The following ANKS1B variants were observed in gnomAD, a reference collection of about 807,000 sequenced individuals.
ANKS1B encodes ankyrin repeat and sterile alpha motif domain-containing protein 1B.
ANKS1B carries 36 observed loss-of-function variants against 148.3 expected under a neutral mutation model. That is an observed-to-expected ratio of 0.24 (90% confidence interval 0.19 to 0.32). The LOEUF (loss-of-function observed/expected upper bound fraction) is 0.32, where lower values mean the gene tolerates loss of function less well. Ranked by LOEUF, ANKS1B falls within the 10% of genes least tolerant of loss-of-function variation. The pLI is 1.00. For synonymous variants in ANKS1B, 542 were observed against 560.8 expected (o/e 0.97, Z 0.47); for missense variants, 1,157 against 1,542.6 (o/e 0.75, Z 4.19).
At chr12:99,765,934 T>C (rs58089117) in intron 8 of ANKS1B, among the ~76,000 whole-genome samples, 1,879 of 152,206 alleles carry the variant, frequency 0.012, 48 homozygotes, top group African/African-American at 0.043. Context: ...TGCTAGTAAA[T>C]TGCAGAACAG....
At chr12:99,569,670 G>A (rs1215097510) in intron 9 of ANKS1B, among the ~76,000 whole-genome samples, 1 of 152,084 alleles carries the variant, frequency 6.6e-6, no homozygotes, top group East Asian at 1.9e-4. Flanking sequence ...GCCCCTACAG[G>A]GATCGCCTTA....
rs2095752046 is a variant in ANKS1B, at chr12:99,984,463, G to A, written c.-226C>T. The A allele has an allele frequency of 4.7e-6, 2 of 429,962 alleles. No homozygotes were observed. The highest frequency in any genetic ancestry group is 3.6e-5 in the Admixed American group (1 of 27,480). 26.6% of individuals were successfully genotyped at this position (429,962 alleles called of 1,614,324 possible). A position where few individuals can be genotyped will look rare whatever the true frequency, so the allele number is the denominator to read the frequency against. On this transcript the variant is annotated 5_prime_UTR_variant, in exon 1 of 27. Transcript: ENST00000683438. ...CAGACCATGTCTTGAAAGAGGGGCT[G>A]GCCGAGCTGGGAGCCGCGACGCGCC...
At chr12:99,270,736 T>C (rs971002833) in intron 12 of ANKS1B, among the ~76,000 whole-genome samples, 2 of 152,234 alleles carry the variant, frequency 1.3e-5, no homozygotes, top group Non-Finnish European at 2.9e-5. Context: ...TCTAATGATG[T>C]CACTCCATTA....
chr12:99,323,713 T>C (rs2085760431), intron 12 of ANKS1B, among the ~76,000 whole-genome samples: 1 of 152,194 alleles, frequency 6.6e-6, no homozygotes, highest in Non-Finnish European at 1.5e-5. Flanking sequence ...ATGTATAGCA[T>C]GAGTAAGATG....
At chr12:99,570,362 G>A (rs1475976836) in intron 9 of ANKS1B, among the ~76,000 whole-genome samples, 2 of 151,960 alleles carry the variant, frequency 1.3e-5, no homozygotes, top group East Asian at 3.9e-4. Context: ...AATGAAGGCG[G>A]ATAGGCCGGG....
intron 9 of ANKS1B, among the ~76,000 whole-genome samples, chr12:99,615,878 C>A (rs1451949664): frequency 6.6e-6 from 1 of 152,028 alleles, no homozygotes; most frequent in East Asian, 1.9e-4. Context: ...TGACATGATT[C>A]TATATTTAGA....
intron 14 of ANKS1B, among the ~76,000 whole-genome samples, chr12:99,204,430 T>C (rs1327915850): frequency 2.6e-5 from 4 of 152,198 alleles, no homozygotes; most frequent in Non-Finnish European, 5.9e-5. Flanking sequence ...CATAAATTAA[T>C]GGGTCTTGGA....
In ANKS1B at chr12:99,327,400, TATTA is replaced by T. The variant is rs1230534040; in HGVS notation, c.1756+72227_1756+72230del. ...TATATAATTATATATTATAATTACATATTATATATAATTATATATTATATTGTCT... is the reference window on the plus strand; with the variant it reads ...TATATAATTATATATTATAATTACATTATATAATTATATATTATATTGTCT... On this transcript the variant is annotated intron_variant, in intron 12 of 26. Coordinates refer to ENST00000683438, the MANE Select transcript of ANKS1B (RefSeq NM_001352186.2). Among the ~76,000 whole-genome samples the T allele has an allele frequency of 5.7e-5, 7 of 123,306 alleles. No individual in the cohort carries two copies. In the East Asian group the frequency reaches 1.8e-3, roughly 33 times the overall value. 80.9% of individuals were successfully genotyped at this position (123,306 alleles called of 152,430 possible). A position where few individuals can be genotyped will look rare whatever the true frequency, so the allele number is the denominator to read the frequency against.
At chr12:99,312,214 C>G (rs949701594) in intron 12 of ANKS1B, among the ~76,000 whole-genome samples, 22 of 152,124 alleles carry the variant, frequency 1.4e-4, no homozygotes, top group Admixed American at 3.9e-4. Flanking sequence ...AACCAGGAGT[C>G]TTGATTTTAA....
chr12:99,275,798 G>A (rs1422742344), intron 12 of ANKS1B, among the ~76,000 whole-genome samples: 2 of 152,130 alleles, frequency 1.3e-5, no homozygotes, highest in African/African-American at 4.8e-5. Context: ...TTATCATTTT[G>A]TAAGGAAAAT....
At chr12:99,079,148 A>G (rs959014543) in intron 16 of ANKS1B, among the ~76,000 whole-genome samples, 6 of 152,212 alleles carry the variant, frequency 3.9e-5, no homozygotes, top group African/African-American at 1.4e-4. Context: ...AGCTGTCTGA[A>G]AGATCCAGAG....
intron 8 of ANKS1B, among the ~76,000 whole-genome samples, chr12:99,699,737 G>C (rs191130473): frequency 6.6e-6 from 1 of 152,256 alleles, no homozygotes; most frequent in East Asian, 1.9e-4. Flanking sequence ...CTAAAATGTA[G>C]AAGAGTAAAA....
At chr12:98,934,015 A>G (rs574710402) in intron 17 of ANKS1B, among the ~76,000 whole-genome samples, 1 of 152,132 alleles carries the variant, frequency 6.6e-6, no homozygotes, top group African/African-American at 2.4e-5. Flanking sequence ...ATTTTGATGT[A>G]GTCCTACTTA....
At chr12:99,153,926 T>C (rs1262158103) in intron 15 of ANKS1B, among the ~76,000 whole-genome samples, 1 of 152,082 alleles carries the variant, frequency 6.6e-6, no homozygotes, top group Non-Finnish European at 1.5e-5. Flanking sequence ...AATATAAGAA[T>C]CAAGAATTAG....
chr12:98,908,237 A>G (rs1315830628), intron 17 of ANKS1B, among the ~76,000 whole-genome samples: 3 of 152,180 alleles, frequency 2.0e-5, no homozygotes, highest in African/African-American at 7.2e-5. Context: ...TTCATTTTAT[A>G]CCAGGCCTTG....
intron 8 of ANKS1B, among the ~76,000 whole-genome samples, chr12:99,734,731 C>T (rs1028249104): frequency 6.6e-6 from 1 of 152,160 alleles, no homozygotes; most frequent in East Asian, 1.9e-4. Flanking sequence ...ACTTTTTCAC[C>T]TCCAAGTCAC....
At chr12:99,785,107 T>C (rs1439064821) in intron 4 of ANKS1B, among the ~76,000 whole-genome samples, 2 of 151,748 alleles carry the variant, frequency 1.3e-5, no homozygotes, top group African/African-American at 2.4e-5. Flanking sequence ...AATTTGTGAG[T>C]AGTGCAGGAT....
chr12:99,225,869 C>T (rs2085855076), intron 14 of ANKS1B, among the ~76,000 whole-genome samples: 4 of 152,212 alleles, frequency 2.6e-5, no homozygotes, highest in South Asian at 4.1e-4. Context: ...GGGACTTCAC[C>T]TTGTGATCAT....
At chr12:99,234,107 G>A (rs2087388439) in intron 14 of ANKS1B, among the ~76,000 whole-genome samples, 3 of 152,060 alleles carry the variant, frequency 2.0e-5, no homozygotes, top group Admixed American at 2.0e-4. Context: ...AGCTCTGTTA[G>A]AGCTAGGCAT....
Sources: gnomAD v4.1 joint callset for allele counts (sites outside exome capture counted in the v4.1 genomes callset) on GRCh38, gnomAD v4.1.1 for gene constraint, MANE v1.5 for transcripts, NCBI Gene and HGNC (gene_info 2026-07-23, HGNC 2026-07-21) for gene names.